The following PDE7B variants were observed in gnomAD, a reference collection of about 807,000 sequenced individuals.
PDE7B encodes the protein phosphodiesterase 7B, also known as 3',5'-cyclic-AMP phosphodiesterase 7B.
PDE7B carries 29 observed loss-of-function variants against 56.2 expected under a neutral mutation model. The ratio of observed to expected loss-of-function variants is 0.52; its 90% CI spans 0.38 to 0.70. The LOEUF (loss-of-function observed/expected upper bound fraction) is 0.70, where lower values mean the gene tolerates loss of function less well. Ranked by LOEUF, PDE7B falls within the 30% of genes least tolerant of loss-of-function variation. The probability of loss-of-function intolerance (pLI) is 0.00; values close to 1 mark genes in which losing one functional copy is unlikely to be tolerated. For synonymous variants in PDE7B, 197 were observed against 196.9 expected, an observed-to-expected ratio of 1.00 and a Z score of 0.00; for missense variants, 490 against 565.0, an observed-to-expected ratio of 0.87 and a Z score of 1.35.
intron 2 of PDE7B, among the ~76,000 whole-genome samples, chr6:135,975,136 C>A (rs772346783): frequency 6.6e-6 from 1 of 151,356 alleles, no homozygotes; most frequent in Non-Finnish European, 1.5e-5. Flanking sequence ...CAACTCCAGT[C>A]GTTTTTTTTT....
intron 1 of PDE7B, among the ~76,000 whole-genome samples, chr6:135,918,391 C>T (rs551153123): frequency 6.6e-6 from 1 of 152,204 alleles, no homozygotes; most frequent in South Asian, 2.1e-4. Context: ...ATTATTTTGT[C>T]ATGGCTGGGA....
chr6:135,870,093 C>G (rs1471550507), intron 1 of PDE7B, among the ~76,000 whole-genome samples: 2 of 152,136 alleles, frequency 1.3e-5, no homozygotes. Flanking sequence ...TCAGCCTAGG[C>G]TAGGGACGAC....
At chr6:136,163,272 C>T (rs190993890) in intron 8 of PDE7B, among the ~76,000 whole-genome samples, 3 of 152,364 alleles carry the variant, frequency 2.0e-5, no homozygotes, top group Admixed American at 6.5e-5. Context: ...CAATTCTTGA[C>T]TTCTGTGCAC....
chr6:136,011,962 T>G (rs9494440), intron 2 of PDE7B, among the ~76,000 whole-genome samples: 67,725 of 152,032 alleles, frequency 0.45, 15,399 homozygotes, highest in Admixed American at 0.55. Context: ...TTTGTTTTGT[T>G]TATGTCTTTC....
chr6:135,876,646 C>A (rs1049262347), intron 1 of PDE7B, among the ~76,000 whole-genome samples: 1 of 152,096 alleles, frequency 6.6e-6, no homozygotes, highest in African/African-American at 2.4e-5. Flanking sequence ...ATCACGAGGT[C>A]AGGAGTTCAA....
At chr6:135,886,201 A>C (rs1775706769) in intron 1 of PDE7B, among the ~76,000 whole-genome samples, 1 of 152,118 alleles carries the variant, frequency 6.6e-6, no homozygotes, top group African/African-American at 2.4e-5. Flanking sequence ...GTGTCCTTAT[A>C]TTGTAGTTGT....
intron 3 of PDE7B, among the ~76,000 whole-genome samples, chr6:136,144,229 A>C (rs183787884): frequency 2.0e-5 from 3 of 152,122 alleles, no homozygotes; most frequent in East Asian, 3.9e-4. Context: ...TCTCTTCTTA[A>C]ATTTTTTATC....
intron 1 of PDE7B, among the ~76,000 whole-genome samples, chr6:135,867,644 T>C (rs1775289969): frequency 6.6e-6 from 1 of 152,210 alleles, no homozygotes; most frequent in Non-Finnish European, 1.5e-5. Flanking sequence ...GTAAGTTTTA[T>C]GAAACGTTAC....
At chr6:136,005,670 A>G (rs973676298) in intron 2 of PDE7B, among the ~76,000 whole-genome samples, 2 of 152,220 alleles carry the variant, frequency 1.3e-5, no homozygotes, top group Non-Finnish European at 2.9e-5. Context: ...GTCTCACACC[A>G]GTTAGAATGG....
At chr6:135,957,845 A>G (rs1415778120) in intron 2 of PDE7B, among the ~76,000 whole-genome samples, 2 of 152,022 alleles carry the variant, frequency 1.3e-5, no homozygotes, top group East Asian at 3.9e-4. Context: ...TCCACCTCCC[A>G]CTTTGTGAAG....
intron 2 of PDE7B, among the ~76,000 whole-genome samples, chr6:136,074,191 C>G (rs906618013): frequency 2.0e-5 from 3 of 150,668 alleles, no homozygotes; most frequent in Non-Finnish European, 1.5e-5. Flanking sequence ...CAAGATCGCA[C>G]CACTGCACTC....
At chr6:135,888,315 T>C (rs142965263) in intron 1 of PDE7B, among the ~76,000 whole-genome samples, 29 of 152,272 alleles carry the variant, frequency 1.9e-4, no homozygotes, top group East Asian at 1.2e-3. Flanking sequence ...AACCCAGATC[T>C]AACGGCAAAT....
chr6:136,068,585 C>T (rs1260083644), intron 2 of PDE7B, among the ~76,000 whole-genome samples: 2 of 152,012 alleles, frequency 1.3e-5, no homozygotes, highest in African/African-American at 4.8e-5. Context: ...CGCCCGCCAC[C>T]ACGCCCGGCT....
At chr6:136,092,482 C>T (rs953407640) in intron 2 of PDE7B, among the ~76,000 whole-genome samples, 6 of 152,090 alleles carry the variant, frequency 3.9e-5, no homozygotes, top group South Asian at 4.1e-4. Flanking sequence ...GAGTGAAGGC[C>T]GGGTACGATG....
At chr6:135,947,836 G>C (rs1253223119) in intron 2 of PDE7B, among the ~76,000 whole-genome samples, 1 of 152,024 alleles carries the variant, frequency 6.6e-6, no homozygotes, top group African/African-American at 2.4e-5. Context: ...GAACCATGTT[G>C]TAATTCCTAA....
At chr6:136,033,997 G>A (rs890915394) in intron 2 of PDE7B, 16 of 151,918 alleles carry the variant, frequency 1.1e-4, no homozygotes, top group Admixed American at 1.0e-3. Flanking sequence ...CAAAAGATAG[G>A]CCACAGATAA....
intron 2 of PDE7B, chr6:136,038,446 G>A (rs769007709): frequency 7.8e-7 from 1 of 1,290,238 alleles, no homozygotes; most frequent in South Asian, 1.2e-5. Context: ...TGGTAAAGCT[G>A]GTTTGGAAAT....
chr6:136,166,383 A>G (rs770050033), intron 8 of PDE7B: 9 of 152,318 alleles, frequency 5.9e-5, no homozygotes, highest in African/African-American at 9.6e-5. Context: ...TCACATTGCT[A>G]TAAAGAAATA....
intron 8 of PDE7B, among the ~76,000 whole-genome samples, chr6:136,170,209 G>T (rs181999657): frequency 2.0e-5 from 3 of 152,160 alleles, no homozygotes; most frequent in African/African-American, 7.2e-5. Context: ...ATAATGGGAT[G>T]GTTTTTAGCC....
Sources: allele counts gnomAD v4.1 joint callset (sites outside exome capture counted in the v4.1 genomes callset), GRCh38; gene constraint gnomAD v4.1.1; transcripts MANE v1.5; gene names NCBI Gene and HGNC (gene_info 2026-07-23, HGNC 2026-07-21).